The following SLC7A1 variants were observed in gnomAD, a reference collection of about 807,000 sequenced individuals.
The protein encoded by SLC7A1 is high affinity cationic amino acid transporter 1.
In SLC7A1, 10 loss-of-function variants were observed where a neutral mutation model predicts 53.9. That is an observed-to-expected ratio of 0.19 (90% CI 0.11 to 0.31). The LOEUF (loss-of-function observed/expected upper bound fraction) is 0.31. Ranked by LOEUF, SLC7A1 falls within the 10% of genes least tolerant of loss-of-function variation. SLC7A1 has a pLI of 1.00. For synonymous variants in SLC7A1, 342 were observed against 338.7 expected (o/e 1.01, Z -0.11); for missense variants, 525 against 827.2 (o/e 0.63, Z 4.48).
intron 1 of SLC7A1, among the ~76,000 whole-genome samples, chr13:29,555,893 C>G (rs748057694): frequency 4.6e-5 from 7 of 152,100 alleles, no homozygotes; most frequent in African/African-American, 9.7e-5. Context: ...TTTGGAAGAT[C>G]CACGTAATTC....
chr13:29,542,450 G>C (rs548356668), intron 2 of SLC7A1, among the ~76,000 whole-genome samples: 1 of 144,458 alleles, frequency 6.9e-6, no homozygotes, highest in African/African-American at 2.4e-5. Context: ...AGCGAAATCT[G>C]TCTCAAAAAA....
At chr13:29,591,093 G>A (rs565505237) in intron 1 of SLC7A1, among the ~76,000 whole-genome samples, 1 of 152,138 alleles carries the variant, frequency 6.6e-6, no homozygotes, top group Non-Finnish European at 1.5e-5. Context: ...CTGGGTGACA[G>A]AGTGTGACCC....
rs1293459405 is a variant in SLC7A1, at chr13:29,517,168, C to G, written c.1653G>C (p.Glu551Asp). The G allele has an allele frequency of 1.2e-5, 20 of 1,610,844 alleles. No individual in the cohort carries two copies. Among genetic ancestry groups the G allele is most frequent in the Non-Finnish European group, 1.7e-5 (20 of 1,178,696 alleles). Reference protein sequence around the residue: ...VVTGVIWRQPESKTKLSFKVP... With the variant: ...VVTGVIWRQPDSKTKLSFKVP... ...CCTTAAATGAGAGCTTGGTCTTGCTCTCGGGCTGCCTCCAGATGACGCCCG... is the reference window on the plus strand; with the variant it reads ...CCTTAAATGAGAGCTTGGTCTTGCTGTCGGGCTGCCTCCAGATGACGCCCG... Residue 551 changes from glutamate to aspartate, a missense_variant, in exon 11 of 13, where the codon GAG becomes GAC. This residue lies in a region of SLC7A1 where 122 missense variants were observed against 140.9 expected (regional missense o/e 0.87). Coordinates refer to ENST00000380752, the MANE Select transcript of SLC7A1 (RefSeq NM_003045.5).
chr13:29,514,339 TCA>T lies in SLC7A1; in HGVS notation c.*139_*140del, dbSNP rs1593536395. 8 of 632,146 alleles carry T rather than the reference TCA, an allele frequency of 1.3e-5. No homozygotes were observed. The East Asian group carries it at 2.2e-4, about 18-fold the overall frequency. The allele number at this position is 632,146 out of a possible 1,614,324, so 39.2% of individuals were successfully genotyped here. Reference sequence around the variant, plus strand: ...GCCGAGGGTGGGCTGGGGCTGCAGGTCAAGTAATTGCACCTTTGGCTGCAGTG... The same window carrying T: ...GCCGAGGGTGGGCTGGGGCTGCAGGTAGTAATTGCACCTTTGGCTGCAGTG... On this transcript the variant is annotated 3_prime_UTR_variant, in exon 13 of 13. Coordinates refer to ENST00000380752, the MANE Select transcript of SLC7A1 (RefSeq NM_003045.5).
At chr13:29,518,112 G>A (rs1868444788) in intron 9 of SLC7A1, among the ~76,000 whole-genome samples, 1 of 152,190 alleles carries the variant, frequency 6.6e-6, no homozygotes, top group Non-Finnish European at 1.5e-5. Flanking sequence ...AAGATACTAG[G>A]CCACTTCCCA....
intron 1 of SLC7A1, among the ~76,000 whole-genome samples, chr13:29,578,695 C>G (rs1057302927): frequency 6.6e-6 from 1 of 152,230 alleles, no homozygotes; most frequent in Non-Finnish European, 1.5e-5. Context: ...TAGCTCTTGC[C>G]CGGTGCCTTT....
rs1291992655 is a variant in SLC7A1, at chr13:29,517,729, G to C, written c.1354C>G (p.Pro452Ala). The part of the protein sequence containing the change: ...QMASTSDELD[P>A]ADQNELASTN... ...CTTGCCAATTCATTTTGGTCTGCTG[G>C]ATCTAACTCGTCGGAAGTACTGGCC... The change falls in exon 10 of 13, where the codon CCA becomes GCA. Residue 452 changes from proline to alanine, a missense_variant. This residue lies in a region of SLC7A1 where 122 missense variants were observed against 140.9 expected (regional missense o/e 0.87). Coordinates refer to ENST00000380752, the MANE Select transcript of SLC7A1 (RefSeq NM_003045.5). 4 of 1,614,144 alleles carry C rather than the reference G, an allele frequency of 2.5e-6. No individual in the cohort carries two copies. The highest frequency in any genetic ancestry group is 2.2e-5 in the South Asian group (2 of 91,066).
chr13:29,572,176 C>T (rs958405178), intron 1 of SLC7A1, among the ~76,000 whole-genome samples: 24 of 152,340 alleles, frequency 1.6e-4, no homozygotes, highest in African/African-American at 4.3e-4. Flanking sequence ...GTCCCAAGCA[C>T]GACTCCAAGT....
chr13:29,541,001 C>T (rs1300648208), intron 2 of SLC7A1, among the ~76,000 whole-genome samples: 2 of 152,174 alleles, frequency 1.3e-5, no homozygotes, highest in Admixed American at 1.3e-4. Context: ...AGGAGTGTTC[C>T]AGACTGAGTG....
intron 8 of SLC7A1, among the ~76,000 whole-genome samples, chr13:29,520,008 TATCGGTCCATC>T (rs1868559318): frequency 2.0e-5 from 3 of 152,066 alleles, no homozygotes; most frequent in Non-Finnish European, 4.4e-5. Context: ...TCATCCATCC[TATCGGTCCATC>T]CATTCTCCAT....
intron 1 of SLC7A1, among the ~76,000 whole-genome samples, chr13:29,555,357 CAAAA>C (rs538934310): frequency 0.045 from 845 of 18,720 alleles, 14 homozygotes; most frequent in African/African-American, 0.11. Flanking sequence ...GACTCCGTCT[CAAAA>C]AAAAAAAAAA....
intron 5 of SLC7A1, among the ~76,000 whole-genome samples, chr13:29,527,458 C>T (rs199504090): frequency 6.6e-6 from 1 of 152,052 alleles, no homozygotes; most frequent in Non-Finnish European, 1.5e-5. Flanking sequence ...CAAACCAAAA[C>T]GTAGAGATAT....
At chr13:29,557,791 AATGAGGGGGAAAGTGAAT>A in intron 1 of SLC7A1, among the ~76,000 whole-genome samples, 1 of 66,058 alleles carries the variant, frequency 1.5e-5, no homozygotes, top group Non-Finnish European at 2.9e-5. Flanking sequence ...AGTGAATGTG[AATGAGGGGGAAAGTGAAT>A]GTGAGGGGGA....
In SLC7A1 at chr13:29,523,255, A is replaced by C; in HGVS notation, c.1049+11T>G. 6.2e-7 allele frequency: 1 copy of C among 1,610,032 alleles called. No individual in the cohort carries two copies. Among genetic ancestry groups the C allele is most frequent in the Non-Finnish European group, 8.5e-7 (1 of 1,177,880 alleles). On this transcript the variant is annotated intron_variant, in intron 7 of 12. Transcript: ENST00000380752. ...ACCCCTAGGAGCAGCCACCACAGAA[A>C]GGCCTCTCACCTGGCGGAAAGAGCG...
At chr13:29,535,093 G>A (rs1189019784) in intron 3 of SLC7A1, among the ~76,000 whole-genome samples, 3 of 152,188 alleles carry the variant, frequency 2.0e-5, no homozygotes, top group Admixed American at 6.5e-5. Context: ...TTAAAAACAC[G>A]CAGACCCACT....
At chr13:29,548,825 AACAC>A (rs1870043852) in intron 2 of SLC7A1, among the ~76,000 whole-genome samples, 1 of 152,184 alleles carries the variant, frequency 6.6e-6, no homozygotes, top group Non-Finnish European at 1.5e-5. Context: ...ACACACGTAA[AACAC>A]ACACCCGTAG....
intron 2 of SLC7A1, among the ~76,000 whole-genome samples, chr13:29,538,241 C>T (rs1403440802): frequency 6.6e-6 from 1 of 152,072 alleles, no homozygotes; most frequent in Admixed American, 6.5e-5. Flanking sequence ...CCGGCAGTAT[C>T]ACAGGTAGGA....
At chr13:29,530,156 A>G (rs568209361) in intron 5 of SLC7A1, among the ~76,000 whole-genome samples, 36 of 152,350 alleles carry the variant, frequency 2.4e-4, no homozygotes, top group African/African-American at 8.7e-4. Context: ...TGAGGTCACC[A>G]CGGCACTGCA....
chr13:29,545,146 T>C (rs1204056635), intron 2 of SLC7A1, among the ~76,000 whole-genome samples: 1 of 152,160 alleles, frequency 6.6e-6, no homozygotes, highest in Non-Finnish European at 1.5e-5. Context: ...ATTAGCTGAA[T>C]ACTGAATGGT....
Sources: gnomAD v4.1 joint callset for allele counts (sites outside exome capture counted in the v4.1 genomes callset) on GRCh38, gnomAD v4.1.1 for gene constraint, gnomAD v4.1.1 regional missense constraint, MANE v1.5 for transcripts, NCBI Gene and HGNC (gene_info 2026-07-23, HGNC 2026-07-21) for gene names.